Variants in LRP2 observed in about 807,000 individuals in gnomAD.
The protein encoded by LRP2 is LDL receptor related protein 2.
LRP2 carries 172 observed loss-of-function variants against 531.0 expected under a neutral mutation model. That is an observed-to-expected ratio of 0.32 (90% CI 0.29 to 0.37). The LOEUF (loss-of-function observed/expected upper bound fraction) is 0.37. Ranked by LOEUF, LRP2 falls within the 10% of genes least tolerant of loss-of-function variation. The probability of loss-of-function intolerance (pLI) is 1.00; values close to 1 mark genes in which losing one functional copy is unlikely to be tolerated. For missense variants in LRP2, 5,167 were observed against 5,868.3 expected (o/e 0.88, Z 3.90); for synonymous variants, 1,992 against 2,027.6 (o/e 0.98, Z 0.47).
At chr2:169,276,674 C>G (rs891255374) in intron 13 of LRP2, among the ~76,000 whole-genome samples, 2 of 151,916 alleles carry the variant, frequency 1.3e-5, no homozygotes, top group East Asian at 1.9e-4. Context: ...CAAGAGGAAA[C>G]AAAACTATAA....
intron 3 of LRP2, 73 bp from the exon 4 acceptor site, chr2:169,307,470 G>A: frequency 1.1e-6 from 1 of 925,948 alleles, no homozygotes; most frequent in Non-Finnish European, 1.7e-6. Flanking sequence ...TCATTAACAA[G>A]GATATTGGAA....
chr2:169,169,837 C>A lies in LRP2; in HGVS notation c.11381-19G>T. 1 of 1,547,128 alleles carries A rather than the reference C, an allele frequency of 6.5e-7. No homozygotes were observed. On this transcript the variant is annotated intron_variant, in intron 59 of 78. Coordinates refer to ENST00000649046, the MANE Select transcript of LRP2 (RefSeq NM_004525.3). ...CTCATCTCTGAAGAGAAAAGATTGT[C>A]ATTCCGAGAAGGCCTTGTCATTTTC...
intron 9 of LRP2, among the ~76,000 whole-genome samples, chr2:169,284,959 G>A (rs1683812957): frequency 6.6e-6 from 1 of 152,148 alleles, no homozygotes; most frequent in Admixed American, 6.5e-5. Flanking sequence ...GTCATAACTA[G>A]GAATTCTCTA....
chr2:169,227,469 C>T (rs898810413), intron 31 of LRP2, among the ~76,000 whole-genome samples: 2 of 151,996 alleles, frequency 1.3e-5, no homozygotes, highest in African/African-American at 2.4e-5. Context: ...TATCCTGATC[C>T]CCATCAAGAG....
At chr2:169,297,169 C>A (rs1684153429) in intron 4 of LRP2, among the ~76,000 whole-genome samples, 1 of 152,158 alleles carries the variant, frequency 6.6e-6, no homozygotes, top group Non-Finnish European at 1.5e-5. Context: ...ACTGTCAACA[C>A]TGAGCAAAGA....
rs571715653 is a variant in LRP2 at position 169,224,830 on chromosome 2, C to T, written c.5538+480G>A. On this transcript the variant is annotated intron_variant, in intron 33 of 78. Coordinates refer to ENST00000649046, the MANE Select transcript of LRP2 (RefSeq NM_004525.3). ...GCCAGCCAGGCGTGGTGGCTCATGCCTATAATCCCAACACTTTGGGAGGTC... is the reference window on the plus strand; with the variant it reads ...GCCAGCCAGGCGTGGTGGCTCATGCTTATAATCCCAACACTTTGGGAGGTC... Among the ~76,000 whole-genome samples the T allele has an allele frequency of 3.0e-4, 46 of 152,288 alleles. No individual in the cohort carries two copies. The Middle Eastern group carries it at 0.01, about 34-fold the overall frequency.
At chr2:169,312,149 T>C (rs974586541) in intron 3 of LRP2, among the ~76,000 whole-genome samples, 2 of 152,250 alleles carry the variant, frequency 1.3e-5, no homozygotes. Context: ...GTCTTGACTC[T>C]TTATCCAATT....
chr2:169,361,342 CTCTCTCTG>C (rs1397204209), intron 1 of LRP2, among the ~76,000 whole-genome samples: 11 of 50,964 alleles, frequency 2.2e-4, no homozygotes, highest in East Asian at 5.0e-4. Context: ...CTCTCTCTGT[CTCTCTCTG>C]TCTCTCTCTC....
rs889315879 is a variant in LRP2 at position 169,301,404 on chromosome 2, A to G, written c.427+5877T>C. On this transcript the variant is annotated intron_variant, in intron 4 of 78. Coordinates refer to ENST00000649046, the MANE Select transcript of LRP2 (RefSeq NM_004525.3). ...CAGTTTTGAATCTCTCTGTTCCTTA[A>G]AAAAAAAAAAAAGTTAATTGACAAG... is the stretch of plus-strand genomic sequence containing the variant. 2.5e-4 allele frequency among the ~76,000 whole-genome samples: 18 copies of G among 72,822 alleles called. No individual in the cohort carries two copies. The Admixed American group carries it at 4.1e-3, about 16-fold the overall frequency. The allele number at this position is 72,822 out of a possible 152,430, so 47.8% of individuals were successfully genotyped here. A position where few individuals can be genotyped will look rare whatever the true frequency, so the allele number is the denominator to read the frequency against.
chr2:169,296,485 G>A (rs1684137050), intron 4 of LRP2, among the ~76,000 whole-genome samples: 1 of 151,966 alleles, frequency 6.6e-6, no homozygotes, highest in South Asian at 2.1e-4. Flanking sequence ...CAAAAGACCA[G>A]GTGAGGTCAG....
chr2:169,204,362 T>C, intron 41 of LRP2, 91 bp from the exon 42 acceptor site: 1 of 1,206,264 alleles, frequency 8.3e-7, no homozygotes, highest in Non-Finnish European at 1.2e-6. Flanking sequence ...TCATCATTGT[T>C]TACACAAGCT....
chr2:169,161,017 C>T (rs540910933), intron 63 of LRP2, among the ~76,000 whole-genome samples: 1 of 152,286 alleles, frequency 6.6e-6, no homozygotes, highest in Admixed American at 6.5e-5. Context: ...AAGTTGAAAG[C>T]ACATGGAGCT....
chr2:169,177,321 T>C (rs556708544), intron 53 of LRP2, among the ~76,000 whole-genome samples: 5 of 152,282 alleles, frequency 3.3e-5, no homozygotes, highest in South Asian at 2.1e-4. Flanking sequence ...AAAAACAAGT[T>C]CTCTTACTTA....
chr2:169,260,535 T>C (rs765744098), intron 16 of LRP2, among the ~76,000 whole-genome samples: 2 of 151,962 alleles, frequency 1.3e-5, no homozygotes, highest in Non-Finnish European at 2.9e-5. Flanking sequence ...ACATGTTGGT[T>C]TAGAGGTGAT....
chr2:169,236,739 TGTTGTATAATCATGAGTTATCAAA>T (rs371229635), intron 28 of LRP2, among the ~76,000 whole-genome samples: 1 of 152,206 alleles, frequency 6.6e-6, no homozygotes, highest in African/African-American at 2.4e-5. Flanking sequence ...CCAGCTTTTT[TGTTGTATAATCATGAGTTATCAAA>T]GTTACATCAA....
At chr2:169,263,772 T>C (rs1690670216) in intron 16 of LRP2, among the ~76,000 whole-genome samples, 1 of 152,142 alleles carries the variant, frequency 6.6e-6, no homozygotes, top group South Asian at 2.1e-4. Context: ...CTATAAATCA[T>C]GCTGCTATAA....
At position 169,362,436 on chromosome 2, in the gene LRP2, G is replaced by C. The variant is rs551706652; in HGVS notation, c.-37C>G. ...TCCCCGGCCTCGCCGTTCCTTCCCC[G>C]GGAGGTGGGCGCGCGTAGCACACCG... On this transcript the variant is annotated 5_prime_UTR_variant, in exon 1 of 79. Transcript: ENST00000649046. The C allele has an allele frequency of 3.5e-5, 54 of 1,528,920 alleles. No homozygotes were observed. The African/African-American group carries it at 6.2e-4, about 17-fold the overall frequency. The allele number at this position is 1,528,920 out of a possible 1,614,324, so 94.7% of individuals were successfully genotyped here. A position where few individuals can be genotyped will look rare whatever the true frequency, so the allele number is the denominator to read the frequency against.
chr2:169,341,602 T>G (rs1053835055), intron 1 of LRP2, among the ~76,000 whole-genome samples: 3 of 152,324 alleles, frequency 2.0e-5, no homozygotes, highest in African/African-American at 7.2e-5. Flanking sequence ...TTTAACAAAC[T>G]GTAAAGCACA....
intron 72 of LRP2, 48 bp from the exon 73 acceptor site, chr2:169,139,658 T>C (rs1437984193): frequency 6.5e-7 from 1 of 1,536,746 alleles, no homozygotes; most frequent in Non-Finnish European, 9.0e-7. Context: ...TTCTTAGGCT[T>C]CTACTGCATT....
Sources: allele counts gnomAD v4.1 joint callset (sites outside exome capture counted in the v4.1 genomes callset), GRCh38; gene constraint gnomAD v4.1.1; transcripts MANE v1.5; gene names NCBI Gene and HGNC (gene_info 2026-07-23, HGNC 2026-07-21).